The following TENM3 variants were observed in gnomAD, a reference collection of about 807,000 sequenced individuals.
TENM3 encodes the protein teneurin transmembrane protein 3.
In TENM3, 63 loss-of-function variants were observed where a neutral mutation model predicts 255.1. The observed-to-expected ratio is 0.25, with a 90% CI of 0.20 to 0.30. The LOEUF (loss-of-function observed/expected upper bound fraction) is 0.30, where lower values mean the gene tolerates loss of function less well. Among genes scored for constraint, TENM3 ranks in the 10% least tolerant of loss-of-function variants. The probability of loss-of-function intolerance (pLI) is 1.00; values close to 1 mark genes in which losing one functional copy is unlikely to be tolerated. For missense variants in TENM3, 2,929 were observed against 3,461.1 expected, an observed-to-expected ratio of 0.85 and a Z score of 3.86; for synonymous variants, 1,306 against 1,322.3, an observed-to-expected ratio of 0.99 and a Z score of 0.27.
intron 11 of TENM3, among the ~76,000 whole-genome samples, chr4:182,684,179 T>A (rs1756388308): frequency 6.8e-6 from 1 of 147,892 alleles, no homozygotes; most frequent in African/African-American, 2.5e-5. Flanking sequence ...AAGAGAGAAG[T>A]GGAGGAGGAA....
the TENM3 span, among the ~76,000 whole-genome samples, chr4:181,741,492 TC>T: frequency 2.6e-5 from 4 of 152,230 alleles, no homozygotes; most frequent in African/African-American, 9.6e-5. Context: ...AGCCATATGT[TC>T]ATAATATTGG....
intron 1 of TENM3, among the ~76,000 whole-genome samples, chr4:182,256,205 G>C (rs891251558): frequency 1.3e-5 from 2 of 152,140 alleles, no homozygotes; most frequent in African/African-American, 4.8e-5. Context: ...AAATGTGCAG[G>C]ATAATTGTCT....
At chr4:182,101,187 G>GAAA in the TENM3 span, among the ~76,000 whole-genome samples, 150 of 15,784 alleles carry the variant, frequency 9.5e-3, 55 homozygotes, top group East Asian at 0.028. Context: ...AGGAAAGAAG[G>GAAA]GAGGGAGGAA....
chr4:182,650,889 A>ATATAT lies in TENM3; in HGVS notation c.989-2882_989-2881insTATAT, dbSNP rs1554007797. On this transcript the variant is annotated intron_variant, in intron 5 of 27. Transcript: ENST00000511685. ...ATTGAGATTTTCTGTAATAAAAAAA[A>ATATAT]ATATATATATATATATATATATATA... is the stretch of plus-strand genomic sequence containing the variant. Among the ~76,000 whole-genome samples, 16 of 29,696 alleles carry ATATAT rather than the reference A, an allele frequency of 5.4e-4. No individual in the cohort carries two copies. In the East Asian group the frequency reaches 5.6e-3, roughly 10 times the overall value. 19.5% of individuals were successfully genotyped at this position (29,696 alleles called of 152,430 possible).
At chr4:181,722,883 G>T in the TENM3 span, among the ~76,000 whole-genome samples, 1 of 152,010 alleles carries the variant, frequency 6.6e-6, no homozygotes, top group Non-Finnish European at 1.5e-5. Flanking sequence ...GGTGAGTCTT[G>T]GTAAGCACAG....
intron 1 of TENM3, among the ~76,000 whole-genome samples, chr4:182,149,068 C>T (rs1173380569): frequency 6.6e-6 from 1 of 151,822 alleles, no homozygotes; most frequent in Non-Finnish European, 1.5e-5. Context: ...GTGTAAACTT[C>T]CCACAATGGC....
the TENM3 span, among the ~76,000 whole-genome samples, chr4:181,781,450 A>G: frequency 6.6e-6 from 1 of 152,078 alleles, no homozygotes; most frequent in East Asian, 1.9e-4. Flanking sequence ...AATGCTTGTG[A>G]TTTTGGCACA....
chr4:181,848,248 G>A, the TENM3 span, among the ~76,000 whole-genome samples: 5 of 152,210 alleles, frequency 3.3e-5, no homozygotes. Flanking sequence ...CAAGTGCACG[G>A]AGTTGAACAT....
intron 1 of TENM3, among the ~76,000 whole-genome samples, chr4:182,168,723 A>G (rs779032364): frequency 6.6e-5 from 10 of 152,216 alleles, no homozygotes; most frequent in Non-Finnish European, 1.3e-4. Flanking sequence ...CTTTAAATGA[A>G]CATGAATTAT....
At chr4:181,725,383 G>T in the TENM3 span, among the ~76,000 whole-genome samples, 42 of 150,046 alleles carry the variant, frequency 2.8e-4, no homozygotes, top group African/African-American at 1.0e-3. Flanking sequence ...ATTTAAAACT[G>T]CAAAATAAGG....
chr4:182,802,806 T>G lies in TENM3; in HGVS notation c.*2455T>G, dbSNP rs2152844154. The G allele has an allele frequency of 6.5e-6, 1 of 152,730 alleles. No homozygotes were observed. The highest frequency in any genetic ancestry group is 2.4e-5 in the African/African-American group (1 of 41,570). 9.5% of individuals were successfully genotyped at this position (152,730 alleles called of 1,614,324 possible). A position where few individuals can be genotyped will look rare whatever the true frequency, so the allele number is the denominator to read the frequency against. ...AGAGTTGGGAGGGGGTGGGGGACTG[T>G]ATAATGAAAAGAATTAGCTTACAAA... On this transcript the variant is annotated 3_prime_UTR_variant, in exon 28 of 28. Coordinates refer to ENST00000511685, the MANE Select transcript of TENM3 (RefSeq NM_001080477.4).
the TENM3 span, among the ~76,000 whole-genome samples, chr4:181,826,885 T>A: frequency 6.6e-6 from 1 of 152,310 alleles, no homozygotes; most frequent in African/African-American, 2.4e-5. Flanking sequence ...AATTCTGTTG[T>A]TCGTCCCCAC....
the TENM3 span, among the ~76,000 whole-genome samples, chr4:181,846,484 T>G: frequency 6.6e-6 from 1 of 152,236 alleles, no homozygotes; most frequent in Admixed American, 6.5e-5. Flanking sequence ...ACTTCGAGAT[T>G]TAGTAAGAAT....
the TENM3 span, among the ~76,000 whole-genome samples, chr4:181,592,703 AAAGATTGGAAGTG>A: frequency 6.7e-6 from 1 of 148,726 alleles, no homozygotes; most frequent in African/African-American, 2.5e-5. Flanking sequence ...CTCTGGAAGG[AAAGATTGGAAGTG>A]GAGAAGCAAA....
At chr4:181,501,555 T>C in the TENM3 span, among the ~76,000 whole-genome samples, 2 of 152,144 alleles carry the variant, frequency 1.3e-5, no homozygotes, top group Admixed American at 6.5e-5. Context: ...TTGTTTTGTA[T>C]TTTTAGTAGA....
At chr4:182,559,059 T>C (rs1580933365) in intron 3 of TENM3, among the ~76,000 whole-genome samples, 2 of 152,190 alleles carry the variant, frequency 1.3e-5, no homozygotes, top group East Asian at 3.9e-4. Flanking sequence ...CCCAGTTAAA[T>C]TATTCTTTCA....
At chr4:181,778,287 C>T in the TENM3 span, among the ~76,000 whole-genome samples, 1 of 152,072 alleles carries the variant, frequency 6.6e-6, no homozygotes, top group Non-Finnish European at 1.5e-5. Context: ...AAAATATTTT[C>T]TTATTCTTAG....
At chr4:181,634,531 G>A in the TENM3 span, among the ~76,000 whole-genome samples, 1 of 151,220 alleles carries the variant, frequency 6.6e-6, no homozygotes, top group East Asian at 2.0e-4. Flanking sequence ...ATTTTGTATT[G>A]CTAGTACCAT....
the TENM3 span, among the ~76,000 whole-genome samples, chr4:181,657,418 T>G: frequency 6.6e-6 from 1 of 152,056 alleles, no homozygotes; most frequent in Non-Finnish European, 1.5e-5. Context: ...TAAGAAAAAA[T>G]GCTCAGCATC....
Sources: gnomAD v4.1 joint callset for allele counts (sites outside exome capture counted in the v4.1 genomes callset) on GRCh38, gnomAD v4.1.1 for gene constraint, MANE v1.5 for transcripts, NCBI Gene and HGNC (gene_info 2026-07-23, HGNC 2026-07-21) for gene names.